Variants in SYT2 observed in about 807,000 individuals in gnomAD.
The protein encoded by SYT2 is synaptotagmin 2.
In SYT2, 15 loss-of-function variants were observed where a neutral mutation model predicts 39.9. That is an observed-to-expected ratio of 0.38 (90% CI 0.25 to 0.58). The LOEUF (loss-of-function observed/expected upper bound fraction) is 0.58, where lower values mean the gene tolerates loss of function less well. Among genes scored for constraint, SYT2 ranks in the 20% least tolerant of loss-of-function variants. SYT2 has a pLI of 0.70. For missense variants in SYT2, 389 were observed against 530.3 expected (o/e 0.73, Z 2.62); for synonymous variants, 181 against 204.5 (o/e 0.89, Z 0.98).
rs1188627375 is a variant in SYT2 at position 202,601,806 on chromosome 1, C to T, written c.801+84G>A. On this transcript the variant is annotated intron_variant, in intron 6 of 8. Transcript: ENST00000367268. The surrounding 1 kb of genome is among the most constrained non-coding windows in gnomAD (Gnocchi z 4.0). ...ACACAGGTCGTCTGCCTCCAAAGCC[C>T]ACCCTGTTTCCATCATGCCAAGAGG... is the stretch of plus-strand genomic sequence containing the variant. The T allele has an allele frequency of 1.8e-5, 27 of 1,464,266 alleles. No homozygotes were observed. Among genetic ancestry groups the T allele is most frequent in the Admixed American group, 3.8e-5 (2 of 52,532 alleles). The allele number at this position is 1,464,266 out of a possible 1,614,324, so 90.7% of individuals were successfully genotyped here.
intron 1 of SYT2, among the ~76,000 whole-genome samples, chr1:202,706,302 T>C (rs1461619186): frequency 1.3e-5 from 2 of 151,896 alleles, no homozygotes; most frequent in Admixed American, 1.3e-4. Flanking sequence ...GGGCAACTCC[T>C]TCCCTTGAGT....
intron 1 of SYT2, among the ~76,000 whole-genome samples, chr1:202,671,889 AAAAG>A (rs1369319231): frequency 1.3e-5 from 2 of 152,230 alleles, no homozygotes; most frequent in Non-Finnish European, 2.9e-5. Context: ...ATAAAAATAA[AAAAG>A]AAAGAAAAAT....
At chr1:202,602,928 C>G in intron 4 of SYT2, 71 bp downstream of exon 4, 1 of 1,568,234 alleles carries the variant, frequency 6.4e-7, no homozygotes, top group Non-Finnish European at 8.7e-7. Flanking sequence ...GGAGCTGTTT[C>G]TATCCCCCTT....
rs1005703815 is a variant in SYT2, at chr1:202,600,179, C to A, written c.919+178G>T. On this transcript the variant is annotated intron_variant, in intron 7 of 8. Coordinates refer to ENST00000367268, the MANE Select transcript of SYT2 (RefSeq NM_177402.5). ...GCTGGGAAGGCAGCTCTGATGGGGA[C>A]AAGGGGCCCTTGGAGAAAAGGAGGG... 3.9e-5 allele frequency among the ~76,000 whole-genome samples: 6 copies of A among 152,216 alleles called. 1 individual carries two copies. Among genetic ancestry groups the A allele is most frequent in the Non-Finnish European group, 8.8e-5 (6 of 68,034 alleles).
At chr1:202,670,256 G>T (rs149922113) in intron 1 of SYT2, among the ~76,000 whole-genome samples, 1 of 152,320 alleles carries the variant, frequency 6.6e-6, no homozygotes, top group Non-Finnish European at 1.5e-5. Flanking sequence ...GACAGAGAAG[G>T]AACTGAGAAG....
At chr1:202,703,377 T>G in intron 1 of SYT2, among the ~76,000 whole-genome samples, 1 of 150,336 alleles carries the variant, frequency 6.7e-6, no homozygotes, top group African/African-American at 2.5e-5. Flanking sequence ...AGAGTAGGAG[T>G]GAGGAAGGGA....
chr1:202,604,460 C>T lies in SYT2; in HGVS notation c.340G>A (p.Gly114Ser), dbSNP rs776145936. The T allele has an allele frequency of 6.2e-7, 1 of 1,613,978 alleles. No individual in the cohort carries two copies. The highest frequency in any genetic ancestry group is 8.5e-7 in the Non-Finnish European group (1 of 1,179,968). Residue 114 changes from glycine (G) to serine (S), a missense_variant, in exon 3 of 9, where the codon GGT becomes AGT. Coordinates refer to ENST00000367268, the MANE Select transcript of SYT2 (RefSeq NM_177402.5). The stretch of plus-strand genomic sequence containing the variant: ...TCACAACCAATGTGCCCTACCTGAC[C>T]CCCTTTCATGTCCTTCATGTTCATG... ...NAMNMKDMKG[G>S]QDDDDAETGL...
Position 202,697,080 on chromosome 1 carries a change from C to T in SYT2, c.-18+13178G>A, listed in dbSNP as rs147765650. On this transcript the variant is annotated intron_variant, in intron 1 of 8. Coordinates refer to ENST00000367268, the MANE Select transcript of SYT2 (RefSeq NM_177402.5). ...CTGCCTCCAGTAAGTGTTCCACTAACGGCCGCAGCTGAGCAAGCTTCACTG... is the reference window on the plus strand; with the variant it reads ...CTGCCTCCAGTAAGTGTTCCACTAATGGCCGCAGCTGAGCAAGCTTCACTG... 3.4e-3 allele frequency among the ~76,000 whole-genome samples: 513 copies of T among 152,334 alleles called. 1 individual carries two copies. Among genetic ancestry groups the T allele is most frequent in the African/African-American group, 0.012 (498 of 41,570 alleles).
chr1:202,687,084 G>A (rs1015474367), intron 1 of SYT2, among the ~76,000 whole-genome samples: 3 of 152,174 alleles, frequency 2.0e-5, no homozygotes, highest in Middle Eastern at 3.4e-3. Flanking sequence ...GGAAAGGGCT[G>A]TGTCTTAAGC....
At chr1:202,693,271 A>G (rs1331499193) in intron 1 of SYT2, among the ~76,000 whole-genome samples, 3 of 152,216 alleles carry the variant, frequency 2.0e-5, no homozygotes, top group Non-Finnish European at 2.9e-5. Flanking sequence ...GACACAATCC[A>G]AGAGGCCATT....
At chr1:202,624,224 G>A (rs2149084831) in intron 1 of SYT2, among the ~76,000 whole-genome samples, 1 of 149,226 alleles carries the variant, frequency 6.7e-6, no homozygotes, top group Non-Finnish European at 1.5e-5. Context: ...GGATGTGTGT[G>A]CTGTATGTGT....
In SYT2 at chr1:202,600,461, C is replaced by T; in HGVS notation, c.815G>A (p.Gly272Asp). ...ATAGCGCAGGGAGGTGCAGATGTCG[C>T]CCAGCTTCTCCGGCTGTCCAGGGGA... ...GGEKEEPEKL[G>D]DICTSLRYVP... is the part of the protein sequence containing the mutation. Residue 272 changes from glycine to aspartate, a missense_variant, in exon 7 of 9, where the codon GGC becomes GAC. Coordinates refer to ENST00000367268, the MANE Select transcript of SYT2 (RefSeq NM_177402.5). 1 of 1,614,150 alleles carries T rather than the reference C, an allele frequency of 6.2e-7. No individual in the cohort carries two copies. The highest frequency in any genetic ancestry group is 8.5e-7 in the Non-Finnish European group (1 of 1,180,010).
At chr1:202,597,061 G>A (rs1690325265) in intron 8 of SYT2, 98 bp from the exon 9 acceptor site, 1 of 1,095,724 alleles carries the variant, frequency 9.1e-7, no homozygotes. Context: ...GATTGGGAAG[G>A]TAAGGCCTCC....
rs753259819 is a variant in SYT2, at chr1:202,696,183, G to C, written c.-18+14075C>G. 2.9e-4 allele frequency among the ~76,000 whole-genome samples: 44 copies of C among 152,222 alleles called. 1 individual carries two copies. Among genetic ancestry groups the C allele is most frequent in the Non-Finnish European group, 3.1e-4 (21 of 68,040 alleles). ...ACGGTCACCTGGGGAACTAGAGGCA[G>C]AGCCAGAAATTCCAGTCCCCTTTAC... On this transcript the variant is annotated intron_variant, in intron 1 of 8. Transcript: ENST00000367268.
At chr1:202,602,821 T>C (rs1055671309) in intron 4 of SYT2, among the ~76,000 whole-genome samples, 178 bp downstream of exon 4, 2 of 152,108 alleles carry the variant, frequency 1.3e-5, no homozygotes, top group Admixed American at 1.3e-4. Context: ...CAAAGCAGGC[T>C]AGTGGCCAAG....
Position 202,591,630 on chromosome 1 carries a change from GGCT to G in SYT2, c.*5124_*5126del, listed in dbSNP as rs1318712569. The G allele has an allele frequency of 6.6e-6, 1 of 152,564 alleles. No individual in the cohort carries two copies. The highest frequency in any genetic ancestry group is 1.5e-5 in the Non-Finnish European group (1 of 68,272). The allele number at this position is 152,564 out of a possible 1,614,324, so 9.5% of individuals were successfully genotyped here. A position where few individuals can be genotyped will look rare whatever the true frequency, so the allele number is the denominator to read the frequency against. ...TAGCCCTGAGGTTGCCCCGCTATTGGGCTGCTTTCTGTCAGACTGCAGGAGGAT... is the reference window on the plus strand; with the variant it reads ...TAGCCCTGAGGTTGCCCCGCTATTGGGCTTTCTGTCAGACTGCAGGAGGAT... On this transcript the variant is annotated 3_prime_UTR_variant, in exon 9 of 9. Coordinates refer to ENST00000367268, the MANE Select transcript of SYT2 (RefSeq NM_177402.5).
chr1:202,647,019 C>T (rs570582875), intron 1 of SYT2, among the ~76,000 whole-genome samples: 6 of 152,316 alleles, frequency 3.9e-5, no homozygotes, highest in South Asian at 4.1e-4. Context: ...GCGTTGGCCT[C>T]GAGCGTCAGC....
At chr1:202,609,859 G>A (rs1090612) in intron 1 of SYT2, among the ~76,000 whole-genome samples, 1 of 151,934 alleles carries the variant, frequency 6.6e-6, no homozygotes, top group Non-Finnish European at 1.5e-5. Context: ...TGATGGTAGT[G>A]TCTTTTGCTC....
intron 1 of SYT2, among the ~76,000 whole-genome samples, chr1:202,703,029 C>T (rs932013851): frequency 5.3e-5 from 8 of 152,140 alleles, no homozygotes; most frequent in Non-Finnish European, 7.4e-5. Context: ...AACTGCTTCC[C>T]GAGTCACTTT....
Sources: allele counts gnomAD v4.1 joint callset (sites outside exome capture counted in the v4.1 genomes callset), GRCh38; gene constraint gnomAD v4.1.1; non-coding constraint Gnocchi (gnomAD v3.1); transcripts MANE v1.5; gene names NCBI Gene and HGNC (gene_info 2026-07-23, HGNC 2026-07-21).